Variants in LRP1B observed in about 807,000 individuals in gnomAD.
The protein encoded by LRP1B is LDL receptor related protein 1B.
Under a neutral mutation model 556.6 loss-of-function variants are expected in LRP1B, and 217 were observed. The ratio of observed to expected loss-of-function variants is 0.39; its 90% CI spans 0.35 to 0.44. The LOEUF (loss-of-function observed/expected upper bound fraction) is 0.44, where lower values mean the gene tolerates loss of function less well. Ranked by LOEUF, LRP1B falls within the 20% of genes least tolerant of loss-of-function variation. The probability of loss-of-function intolerance (pLI) is 1.00; values close to 1 mark genes in which losing one functional copy is unlikely to be tolerated. For synonymous variants in LRP1B, 2,047 were observed against 1,865.8 expected (o/e 1.10, Z -2.50); for missense variants, 5,053 against 5,620.8 (o/e 0.90, Z 3.23).
At chr2:141,788,411 A>T (rs1203318388) in intron 2 of LRP1B, among the ~76,000 whole-genome samples, 1 of 152,054 alleles carries the variant, frequency 6.6e-6, no homozygotes, top group East Asian at 1.9e-4. Context: ...TTTACCATAT[A>T]TGAACAATTC....
rs1558992056 is a variant in LRP1B, at chr2:140,595,094, A to ATC, written c.7194+3536_7194+3537insGA. On this transcript the variant is annotated intron_variant, in intron 43 of 90. Coordinates refer to ENST00000389484, the MANE Select transcript of LRP1B (RefSeq NM_018557.3). The stretch of plus-strand genomic sequence containing the variant: ...AAAATAAAATATAAATTGAATATAT[A>ATC]TATATATATATATATATATATATAT... 7.2e-3 allele frequency among the ~76,000 whole-genome samples: 112 copies of ATC among 15,598 alleles called. 1 individual carries two copies. Among genetic ancestry groups the ATC allele is most frequent in the African/African-American group, 0.026 (95 of 3,648 alleles). 10.2% of individuals were successfully genotyped at this position (15,598 alleles called of 152,430 possible). A position where few individuals can be genotyped will look rare whatever the true frequency, so the allele number is the denominator to read the frequency against.
intron 3 of LRP1B, among the ~76,000 whole-genome samples, chr2:141,443,202 A>G (rs1433657006): frequency 2.6e-5 from 4 of 151,844 alleles, no homozygotes; most frequent in South Asian, 4.2e-4. Flanking sequence ...TTTTTTTCAT[A>G]TGTTTGTTGG....
intron 1 of LRP1B, among the ~76,000 whole-genome samples, chr2:141,900,360 A>G (rs1325090008): frequency 6.6e-6 from 1 of 152,130 alleles, no homozygotes; most frequent in African/African-American, 2.4e-5. Context: ...GCAGATATGC[A>G]AAAGAAAATT....
chr2:142,120,522 G>A (rs1445716076), intron 1 of LRP1B, among the ~76,000 whole-genome samples: 1 of 152,132 alleles, frequency 6.6e-6, no homozygotes, highest in Non-Finnish European at 1.5e-5. Context: ...GCAGGAACTT[G>A]AGTGTCAGTA....
intron 1 of LRP1B, among the ~76,000 whole-genome samples, chr2:141,905,479 T>A (rs1390853972): frequency 2.0e-5 from 3 of 151,638 alleles, no homozygotes. Context: ...AAGTTATAAC[T>A]AGTCAGCTGC....
chr2:141,830,825 A>G (rs1697090296), intron 1 of LRP1B, among the ~76,000 whole-genome samples: 1 of 151,874 alleles, frequency 6.6e-6, no homozygotes, highest in Non-Finnish European at 1.5e-5. Context: ...ACTGGGTCCC[A>G]AACTGATCTC....
chr2:141,631,618 CAG>C (rs1175766303), intron 2 of LRP1B, among the ~76,000 whole-genome samples: 1 of 147,876 alleles, frequency 6.8e-6, no homozygotes. Flanking sequence ...GCTGGTAAAA[CAG>C]AGGAAGTTCC....
chr2:140,514,758 A>G lies in LRP1B; in HGVS notation c.8164T>C (p.Trp2722Arg), dbSNP rs1404514072. 1.2e-6 allele frequency: 2 copies of G among 1,610,590 alleles called. No homozygotes were observed. Among genetic ancestry groups the G allele is most frequent in the Non-Finnish European group, 1.7e-6 (2 of 1,177,914 alleles). ...DEFHCDSSCS[W>R]NQFACSAQKC... Reference sequence around the variant, plus strand: ...TGTGCGGAACAAGCAAATTGGTTCCAAGAGCAAGAAGAATCTAGGAAACAA... The same window carrying G: ...TGTGCGGAACAAGCAAATTGGTTCCGAGAGCAAGAAGAATCTAGGAAACAA... Residue 2722 changes from tryptophan (W) to arginine (R), a missense_variant, in exon 51 of 91, where the codon TGG becomes CGG. Trp to Arg is a moderately radical substitution (Grantham distance 101, BLOSUM62 -3). This residue lies in a region of LRP1B where 3,619 missense variants were observed against 3,931.9 expected (regional missense o/e 0.92). Coordinates refer to ENST00000389484, the MANE Select transcript of LRP1B (RefSeq NM_018557.3).
chr2:141,044,356 A>G (rs1424455415), intron 11 of LRP1B, among the ~76,000 whole-genome samples: 1 of 151,822 alleles, frequency 6.6e-6, no homozygotes, highest in Admixed American at 6.6e-5. Flanking sequence ...GGACATAGGC[A>G]TGGGCAAGGA....
chr2:140,799,503 A>G (rs1690430312), intron 32 of LRP1B, among the ~76,000 whole-genome samples: 1 of 152,194 alleles, frequency 6.6e-6, no homozygotes, highest in South Asian at 2.1e-4. Flanking sequence ...TACTTCGTTA[A>G]GGCAGCCCAA....
intron 1 of LRP1B, among the ~76,000 whole-genome samples, chr2:142,052,257 A>C (rs1490808055): frequency 6.6e-6 from 1 of 151,964 alleles, no homozygotes; most frequent in Non-Finnish European, 1.5e-5. Flanking sequence ...AAACTTTAAA[A>C]CCCCTATAAA....
At chr2:141,670,090 A>T (rs1347664997) in intron 2 of LRP1B, among the ~76,000 whole-genome samples, 1 of 152,118 alleles carries the variant, frequency 6.6e-6, no homozygotes, top group Non-Finnish European at 1.5e-5. Context: ...AAACGAAGTG[A>T]AAAAACCTCA....
At chr2:141,632,675 C>T (rs1688954822) in intron 2 of LRP1B, among the ~76,000 whole-genome samples, 3 of 151,910 alleles carry the variant, frequency 2.0e-5, no homozygotes, top group Admixed American at 2.0e-4. Flanking sequence ...TATAATTCAA[C>T]ATAATACCAA....
chr2:141,191,172 C>T lies in LRP1B; in HGVS notation c.851-2589G>A, dbSNP rs960603622. On this transcript the variant is annotated intron_variant, in intron 6 of 90. Transcript: ENST00000389484. ...TACTTAGTATGAAAATACTCAGGCT[C>T]AACCATCTCTTTGGGTCTTCATTTC... Among the ~76,000 whole-genome samples the T allele has an allele frequency of 2.3e-4, 35 of 151,920 alleles. 1 individual carries two copies. Among genetic ancestry groups the T allele is most frequent in the Non-Finnish European group, 1.8e-4 (12 of 67,932 alleles).
chr2:141,193,289 T>C (rs1474382903), intron 6 of LRP1B, among the ~76,000 whole-genome samples: 1 of 152,098 alleles, frequency 6.6e-6, no homozygotes, highest in Non-Finnish European at 1.5e-5. Context: ...ACTTGAATGT[T>C]TAACACAGCA....
At chr2:141,683,986 G>A (rs1691198064) in intron 2 of LRP1B, among the ~76,000 whole-genome samples, 1 of 152,082 alleles carries the variant, frequency 6.6e-6, no homozygotes. Flanking sequence ...CTTTTACATG[G>A]TTGGTGGTAG....
intron 2 of LRP1B, among the ~76,000 whole-genome samples, chr2:141,795,079 G>C (rs1695758151): frequency 6.6e-6 from 1 of 152,032 alleles, no homozygotes; most frequent in Admixed American, 6.6e-5. Context: ...TTAGGTTGTT[G>C]AGAAGTAAAA....
At chr2:141,085,809 GTT>G (rs761618944) in intron 7 of LRP1B, among the ~76,000 whole-genome samples, 2 of 152,126 alleles carry the variant, frequency 1.3e-5, no homozygotes, top group Non-Finnish European at 2.9e-5. Context: ...TTTAATTCAA[GTT>G]TTAATGAAGA....
chr2:140,236,410 G>T (rs191575964), intron 89 of LRP1B, among the ~76,000 whole-genome samples: 1 of 150,896 alleles, frequency 6.6e-6, no homozygotes, highest in East Asian at 2.0e-4. Context: ...AATAAACCAA[G>T]AAAAATTGTT....
Sources: gnomAD v4.1 joint callset for allele counts (sites outside exome capture counted in the v4.1 genomes callset) on GRCh38, gnomAD v4.1.1 for gene constraint, gnomAD v4.1.1 regional missense constraint, MANE v1.5 for transcripts, NCBI Gene and HGNC (gene_info 2026-07-23, HGNC 2026-07-21) for gene names.